The following DYM variants were observed in gnomAD, a reference collection of about 807,000 sequenced individuals.
DYM encodes the protein dyggve-Melchior-Clausen syndrome protein.
Under a neutral mutation model 93.1 loss-of-function variants are expected in DYM, and 78 were observed. That is an observed-to-expected ratio of 0.84 (90% CI 0.70 to 1.01). The LOEUF (loss-of-function observed/expected upper bound fraction) is 1.01. DYM is among the 50% of genes least tolerant of loss of function. The pLI, the probability that DYM is intolerant of heterozygous loss-of-function variation, is 0.00. For synonymous variants in DYM, 321 were observed against 319.7 expected, an observed-to-expected ratio of 1.00 and a Z score of -0.04; for missense variants, 789 against 845.0, an observed-to-expected ratio of 0.93 and a Z score of 0.82.
intron 13 of DYM, among the ~76,000 whole-genome samples, chr18:49,254,127 T>C (rs1241224948): frequency 6.6e-6 from 1 of 152,092 alleles, no homozygotes. Context: ...CATCTTTCTG[T>C]AGCCACCCTG....
intron 3 of DYM, 174 bp downstream of exon 3, chr18:49,391,419 T>G (rs1299594774): frequency 1.6e-6 from 1 of 643,838 alleles, no homozygotes; most frequent in Non-Finnish European, 2.8e-6. Context: ...TGTGTCATAT[T>G]GCTATTGACT....
intron 17 of DYM, among the ~76,000 whole-genome samples, chr18:49,092,982 G>C (rs1339736144): frequency 6.6e-6 from 1 of 152,188 alleles, no homozygotes; most frequent in Non-Finnish European, 1.5e-5. Flanking sequence ...AGAGTTGAAG[G>C]ACCAAAGGAG....
chr18:49,127,957 G>A (rs1312945644), intron 15 of DYM, among the ~76,000 whole-genome samples: 2 of 152,184 alleles, frequency 1.3e-5, no homozygotes, highest in Non-Finnish European at 2.9e-5. Context: ...AAACCATGTG[G>A]TCTTTTTCTA....
chr18:49,308,949 G>C (rs1274605132), intron 8 of DYM, among the ~76,000 whole-genome samples: 3 of 152,144 alleles, frequency 2.0e-5, no homozygotes, highest in African/African-American at 7.2e-5. Flanking sequence ...AACTTGGGTA[G>C]ATCCATATAA....
intron 5 of DYM, among the ~76,000 whole-genome samples, chr18:49,367,525 C>T (rs1292034817): frequency 6.6e-5 from 10 of 152,092 alleles, no homozygotes; most frequent in Admixed American, 6.6e-4. Context: ...CAATACTGTC[C>T]TAATCAAATG....
chr18:49,177,341 T>A (rs1466941584), intron 14 of DYM, among the ~76,000 whole-genome samples: 1 of 152,178 alleles, frequency 6.6e-6, no homozygotes, highest in African/African-American at 2.4e-5. Context: ...ACAGGAAACA[T>A]GATACTGCTA....
intron 13 of DYM, among the ~76,000 whole-genome samples, chr18:49,238,816 C>T (rs762189497): frequency 2.0e-5 from 3 of 151,982 alleles, no homozygotes; most frequent in Non-Finnish European, 4.4e-5. Context: ...AGAAACACTC[C>T]TCCAGCCAGA....
At chr18:49,294,704 T>C (rs141272227) in intron 8 of DYM, among the ~76,000 whole-genome samples, 1 of 152,188 alleles carries the variant, frequency 6.6e-6, no homozygotes, top group Non-Finnish European at 1.5e-5. Context: ...TGCTTTTTCA[T>C]ATTAAACATG....
chr18:49,255,436 G>A (rs1179094345), intron 13 of DYM, among the ~76,000 whole-genome samples: 1 of 152,080 alleles, frequency 6.6e-6, no homozygotes, highest in Non-Finnish European at 1.5e-5. Flanking sequence ...AGCACTTTGG[G>A]AGGCAAGGTG....
chr18:49,200,851 T>C (rs2091929706), intron 14 of DYM, among the ~76,000 whole-genome samples: 1 of 152,160 alleles, frequency 6.6e-6, no homozygotes, highest in African/African-American at 2.4e-5. Flanking sequence ...CACATACTTC[T>C]TTGTGGTAAG....
At chr18:49,288,465 A>C (rs944800206) in intron 8 of DYM, among the ~76,000 whole-genome samples, 1 of 152,158 alleles carries the variant, frequency 6.6e-6, no homozygotes, top group Non-Finnish European at 1.5e-5. Flanking sequence ...TTTCTGGACA[A>C]AAAGAGTCAA....
chr18:49,248,260 G>A lies in DYM; in HGVS notation c.1460+8750C>T, dbSNP rs555147258. Among the ~76,000 whole-genome samples the A allele has an allele frequency of 2.6e-5, 4 of 152,250 alleles. No individual in the cohort carries two copies. The South Asian group carries it at 8.3e-4, about 32-fold the overall frequency. ...TTAGAAAAATATTTGGGGAATATAG[G>A]CAATTCAAAAATCCATTGGGCAGGG... On this transcript the variant is annotated intron_variant, in intron 13 of 17. Transcript: ENST00000675505.
chr18:49,144,641 G>C (rs1157638800), intron 15 of DYM, among the ~76,000 whole-genome samples: 5 of 152,146 alleles, frequency 3.3e-5, no homozygotes, highest in Non-Finnish European at 5.9e-5. Flanking sequence ...CTGTTACAAT[G>C]AGTTCAAAGG....
chr18:49,403,753 T>C (rs981690229), intron 2 of DYM, among the ~76,000 whole-genome samples: 1 of 147,832 alleles, frequency 6.8e-6, no homozygotes, highest in East Asian at 2.2e-4. Flanking sequence ...CTTCCCCCCA[T>C]AGTAGTACCC....
chr18:49,361,017 C>T (rs904754926), intron 6 of DYM, among the ~76,000 whole-genome samples: 1 of 152,196 alleles, frequency 6.6e-6, no homozygotes, highest in African/African-American at 2.4e-5. Context: ...AAGTTCATGA[C>T]TTCTGCTCAC....
At position 49,221,613 on chromosome 18, in the gene DYM, G is replaced by A. The variant is rs548464892; in HGVS notation, c.1461-11898C>T. On this transcript the variant is annotated intron_variant, in intron 13 of 17. Transcript: ENST00000675505. Reference sequence around the variant, plus strand: ...GAGTTCATGTCCTTTGTAGGGACACGGATGAAACTGGAAATCATCATTCTC... The same window carrying A: ...GAGTTCATGTCCTTTGTAGGGACACAGATGAAACTGGAAATCATCATTCTC... Among the ~76,000 whole-genome samples the A allele has an allele frequency of 9.2e-5, 14 of 152,234 alleles. 1 individual carries two copies. The South Asian group carries it at 1.9e-3, about 20-fold the overall frequency.
intron 13 of DYM, among the ~76,000 whole-genome samples, chr18:49,212,935 A>G (rs1477114325): frequency 6.6e-6 from 1 of 152,230 alleles, no homozygotes; most frequent in Non-Finnish European, 1.5e-5. Flanking sequence ...TTGGGACATC[A>G]GAAAAACAAG....
intron 16 of DYM, chr18:49,116,534 C>A (rs2081940853): frequency 6.6e-6 from 1 of 152,154 alleles, no homozygotes; most frequent in South Asian, 2.1e-4. Flanking sequence ...AGAACGATTT[C>A]TACTGAATGT....
chr18:49,323,159 CTGTTT>C (rs1156861242), intron 8 of DYM, among the ~76,000 whole-genome samples: 2 of 152,106 alleles, frequency 1.3e-5, no homozygotes, highest in Admixed American at 6.5e-5. Flanking sequence ...ACATTTTGGC[CTGTTT>C]TGTTTTGTTT....
Sources: gnomAD v4.1 joint callset for allele counts (sites outside exome capture counted in the v4.1 genomes callset) on GRCh38, gnomAD v4.1.1 for gene constraint, MANE v1.5 for transcripts, NCBI Gene and HGNC (gene_info 2026-07-23, HGNC 2026-07-21) for gene names.